The following NUP205 variants were observed in gnomAD, a reference collection of about 807,000 sequenced individuals.
The protein encoded by NUP205 is nucleoporin 205, also known as nuclear pore complex protein Nup205.
A neutral mutation model predicts 253.8 loss-of-function variants in NUP205; 76 were observed. The ratio of observed to expected loss-of-function variants is 0.30; its 90% CI spans 0.25 to 0.36. NUP205 has a LOEUF of 0.36. Ranked by LOEUF, NUP205 falls within the 10% of genes least tolerant of loss-of-function variation. The pLI, the probability that NUP205 is intolerant of heterozygous loss-of-function variation, is 1.00. For synonymous variants in NUP205, 832 were observed against 850.1 expected (o/e 0.98, Z 0.37); for missense variants, 2,162 against 2,425.5 (o/e 0.89, Z 2.28).
At chr7:135,588,067 T>A in intron 10 of NUP205, 75 bp downstream of exon 10, 1 of 1,320,268 alleles carries the variant, frequency 7.6e-7, no homozygotes, top group Non-Finnish European at 1.0e-6. Context: ...AGATATTACT[T>A]CCTGATTTTA....
At chr7:135,588,962 T>A (rs903770347) in intron 10 of NUP205, among the ~76,000 whole-genome samples, 1 of 151,074 alleles carries the variant, frequency 6.6e-6, no homozygotes, top group Non-Finnish European at 1.5e-5. Flanking sequence ...GGAAGATCGC[T>A]TGAAGCCAAA....
chr7:135,603,355 T>C (rs1794005601), intron 18 of NUP205, among the ~76,000 whole-genome samples: 1 of 151,918 alleles, frequency 6.6e-6, no homozygotes, highest in Non-Finnish European at 1.5e-5. Flanking sequence ...CCTCATGATC[T>C]GCCCGCCTCA....
intron 42 of NUP205, among the ~76,000 whole-genome samples, chr7:135,646,624 TGTAA>T (rs916355177): frequency 3.3e-5 from 5 of 152,260 alleles, no homozygotes; most frequent in African/African-American, 4.8e-5. Context: ...AATGAATGAA[TGTAA>T]GTAAGTAAGT....
chr7:135,558,613 C>T (rs1805498956), intron 1 of NUP205, among the ~76,000 whole-genome samples: 1 of 152,180 alleles, frequency 6.6e-6, no homozygotes, highest in Admixed American at 6.5e-5. Context: ...GGTGGATCCT[C>T]TTTCGGTGAT....
chr7:135,612,643 G>A lies in NUP205; in HGVS notation c.3196-1516G>A, dbSNP rs558561436. Among the ~76,000 whole-genome samples, 6 of 152,324 alleles carry A rather than the reference G, an allele frequency of 3.9e-5. No individual in the cohort carries two copies. In the East Asian group the frequency reaches 1.2e-3, roughly 29 times the overall value. On this transcript the variant is annotated intron_variant, in intron 22 of 42. Coordinates refer to ENST00000285968, the MANE Select transcript of NUP205 (RefSeq NM_015135.3). ...AGCATTGCTCCATTAGAGAGCATGA[G>A]AGTTCGGTGACTGCAGTTTGTAGCT...
At position 135,571,125 on chromosome 7, in the gene NUP205, T is replaced by C; in HGVS notation, c.49T>C (p.Tyr17His). 1.9e-6 allele frequency: 3 copies of C among 1,553,692 alleles called. No individual in the cohort carries two copies. Among genetic ancestry groups the C allele is most frequent in the Non-Finnish European group, 2.6e-6 (3 of 1,150,268 alleles). Residue 17 changes from tyrosine to histidine, a missense_variant, in exon 2 of 43, where the codon TAC becomes CAC. By Grantham distance (83) the Tyr-to-His change is moderately conservative. Coordinates refer to ENST00000285968, the MANE Select transcript of NUP205 (RefSeq NM_015135.3). ...VNSAASLWGP[Y>H]KDIWHKVGNA... ...TTAAGCTGCTAGTCTATGGGGTCCT[T>C]ACAAAGACATTTGGCATAAAGTGGG...
In NUP205 at chr7:135,627,099, T is replaced by C. The variant is rs531665774; in HGVS notation, c.4793+738T>C. On this transcript the variant is annotated intron_variant, in intron 33 of 42. Coordinates refer to ENST00000285968, the MANE Select transcript of NUP205 (RefSeq NM_015135.3). ...CTTAGGTAAAGTGGGTTGAGTTAAA[T>C]ACTCTTTAGTTCATGGCATGCTATT... Among the ~76,000 whole-genome samples the C allele has an allele frequency of 9.2e-5, 14 of 152,326 alleles. No homozygotes were observed. In the East Asian group the frequency reaches 2.7e-3, roughly 29 times the overall value.
At chr7:135,602,282 T>C (rs1659133199) in intron 17 of NUP205, among the ~76,000 whole-genome samples, 1 of 152,242 alleles carries the variant, frequency 6.6e-6, no homozygotes, top group Non-Finnish European at 1.5e-5. Flanking sequence ...GATCCTTGTT[T>C]CTATTTTCTG....
intron 22 of NUP205, among the ~76,000 whole-genome samples, chr7:135,608,968 G>T (rs1249784347): frequency 6.6e-6 from 1 of 151,264 alleles, no homozygotes; most frequent in Non-Finnish European, 1.5e-5. Flanking sequence ...GCTGGGCCTG[G>T]TTGTGGACGC....
Position 135,587,561 on chromosome 7 carries a change from A to G in NUP205, c.1219-14A>G, listed in dbSNP as rs1416313145. The G allele has an allele frequency of 3.3e-6, 5 of 1,498,456 alleles. No individual in the cohort carries two copies. The highest frequency in any genetic ancestry group is 2.3e-5 in the East Asian group (1 of 43,196). The allele number at this position is 1,498,456 out of a possible 1,614,324, so 92.8% of individuals were successfully genotyped here. ...ACATTTACATATTAAAACTATATCT[A>G]ATAAATTTAATAGGTGAAACAGCTG... On this transcript the variant is annotated splice_polypyrimidine_tract_variant and intron_variant, in intron 8 of 42. Coordinates refer to ENST00000285968, the MANE Select transcript of NUP205 (RefSeq NM_015135.3).
intron 39 of NUP205, among the ~76,000 whole-genome samples, chr7:135,644,239 A>G (rs963797893): frequency 4.6e-5 from 7 of 152,224 alleles, no homozygotes; most frequent in Non-Finnish European, 7.3e-5. Context: ...GCAGGAGTCA[A>G]TGACTGGGTT....
chr7:135,581,005 C>T (rs1348450500), intron 7 of NUP205, among the ~76,000 whole-genome samples: 1 of 151,976 alleles, frequency 6.6e-6, no homozygotes, highest in African/African-American at 2.4e-5. Flanking sequence ...TGCTCATATC[C>T]TTTTATAAGC....
In NUP205 at chr7:135,571,748, A is replaced by G. The variant is rs372699624; in HGVS notation, c.171+501A>G. ...TACACTCTTAGTTATTTTAAAATGT[A>G]TAATTATTATTGGCTATCACCCTGT... On this transcript the variant is annotated intron_variant, in intron 2 of 42. Transcript: ENST00000285968. Among the ~76,000 whole-genome samples the G allele has an allele frequency of 7.2e-5, 11 of 151,964 alleles. No individual in the cohort carries two copies. The East Asian group carries it at 2.1e-3, about 29-fold the overall frequency.
chr7:135,566,065 A>C (rs922062061), intron 1 of NUP205, among the ~76,000 whole-genome samples: 1 of 152,216 alleles, frequency 6.6e-6, no homozygotes, highest in African/African-American at 2.4e-5. Context: ...AAAGACAGAT[A>C]CATAAACCAG....
chr7:135,604,545 C>A, intron 19 of NUP205, 85 bp downstream of exon 19: 1 of 1,315,554 alleles, frequency 7.6e-7, no homozygotes, highest in Non-Finnish European at 1.0e-6. Flanking sequence ...ATGGAGGAAT[C>A]ATATTCTTGG....
At chr7:135,646,084 T>G in intron 41 of NUP205, 74 bp from the exon 42 acceptor site, 2 of 924,810 alleles carry the variant, frequency 2.2e-6, no homozygotes, top group Non-Finnish European at 3.6e-6. Context: ...TATTATTCAT[T>G]GTCATCAGGT....
At chr7:135,638,493 G>T in intron 37 of NUP205, 64 bp from the exon 38 acceptor site, 2 of 1,439,520 alleles carry the variant, frequency 1.4e-6, no homozygotes, top group South Asian at 1.2e-5. Context: ...TTCAAATCTC[G>T]ATTTTCATGC....
intron 13 of NUP205, among the ~76,000 whole-genome samples, chr7:135,595,294 G>A (rs1230432006): frequency 6.6e-6 from 1 of 152,018 alleles, no homozygotes; most frequent in African/African-American, 2.4e-5. Context: ...TGTGATCTCA[G>A]CTCACTGTAG....
intron 18 of NUP205, among the ~76,000 whole-genome samples, chr7:135,603,810 G>A (rs1250631160): frequency 6.6e-6 from 1 of 152,032 alleles, no homozygotes; most frequent in African/African-American, 2.4e-5. Context: ...GTGCCCACCC[G>A]AAATCTCTAA....
Sources: allele counts gnomAD v4.1 joint callset (sites outside exome capture counted in the v4.1 genomes callset), GRCh38; gene constraint gnomAD v4.1.1; transcripts MANE v1.5; gene names NCBI Gene and HGNC (gene_info 2026-07-23, HGNC 2026-07-21).